The following SP100 variants were observed in gnomAD, a reference collection of about 807,000 sequenced individuals.
SP100 encodes SP100 nuclear body protein.
Under a neutral mutation model 130.0 loss-of-function variants are expected in SP100, and 84 were observed. The observed-to-expected ratio is 0.65, with a 90% CI of 0.54 to 0.77. The LOEUF (loss-of-function observed/expected upper bound fraction) is 0.77, where lower values mean the gene tolerates loss of function less well. Among genes scored for constraint, SP100 ranks in the 30% least tolerant of loss-of-function variants. The pLI is 0.00. For synonymous variants in SP100, 331 were observed against 351.7 expected, an observed-to-expected ratio of 0.94 and a Z score of 0.66; for missense variants, 978 against 1,052.2, an observed-to-expected ratio of 0.93 and a Z score of 0.97.
intron 15 of SP100, 77 bp from the exon 16 acceptor site, chr2:230,473,247 G>C (rs1027492551): frequency 1.1e-5 from 10 of 939,768 alleles, no homozygotes; most frequent in Admixed American, 3.6e-5. Context: ...GGAGTGGGCA[G>C]TCACTAATGT....
At chr2:230,417,151 G>A (rs1401024378) in intron 1 of SP100, among the ~76,000 whole-genome samples, 2 of 152,176 alleles carry the variant, frequency 1.3e-5, no homozygotes, top group East Asian at 3.8e-4. Flanking sequence ...GTCCTGTGAA[G>A]AGTCTTGGGC....
intron 24 of SP100, among the ~76,000 whole-genome samples, chr2:230,531,485 C>T (rs2150108645): frequency 6.6e-6 from 1 of 151,984 alleles, no homozygotes; most frequent in African/African-American, 2.4e-5. Flanking sequence ...CACATGTATA[C>T]CTATATAACA....
At chr2:230,446,170 A>C (rs533459044) in intron 4 of SP100, among the ~76,000 whole-genome samples, 3 of 152,122 alleles carry the variant, frequency 2.0e-5, no homozygotes, top group Non-Finnish European at 4.4e-5. Flanking sequence ...GTGCAGTGGC[A>C]TAATCTCAGC....
chr2:230,416,324 A>T lies in SP100; in HGVS notation c.28A>T (p.Thr10Ser), dbSNP rs767107390. MAGGGGDLSTRRLNECISPV... is the reference protein window; with the variant it reads MAGGGGDLSSRRLNECISPV... Reference sequence around the variant, plus strand: ...GGCAGGTGGGGGCGGCGACCTGAGCACCAGGTGAGTCTTTATCTCCCTTCC... The same window carrying T: ...GGCAGGTGGGGGCGGCGACCTGAGCTCCAGGTGAGTCTTTATCTCCCTTCC... Residue 10 changes from threonine to serine, a missense_variant, in exon 1 of 29, where the codon ACC becomes TCC. Coordinates refer to ENST00000340126, the MANE Select transcript of SP100 (RefSeq NM_001080391.2). 1.2e-6 allele frequency: 2 copies of T among 1,613,380 alleles called. No homozygotes were observed. The highest frequency in any genetic ancestry group is 2.2e-5 in the South Asian group (2 of 91,050).
intron 4 of SP100, among the ~76,000 whole-genome samples, chr2:230,445,619 T>C (rs1213545917): frequency 6.6e-6 from 1 of 152,150 alleles, no homozygotes; most frequent in African/African-American, 2.4e-5. Flanking sequence ...TAAAATAATT[T>C]CTATAGCAAA....
chr2:230,473,536 A>G (rs1575687523), intron 16 of SP100, 96 bp downstream of exon 16: 1 of 668,046 alleles, frequency 1.5e-6, no homozygotes, highest in Non-Finnish European at 2.6e-6. Flanking sequence ...GAAGCAAAGC[A>G]TGAAACAGCC....
chr2:230,464,802 G>A (rs1649866), intron 11 of SP100, among the ~76,000 whole-genome samples: 36,815 of 152,144 alleles, frequency 0.24, 5,108 homozygotes, highest in Middle Eastern at 0.33. Flanking sequence ...GTGTTTAAGA[G>A]TCATTTATGA....
chr2:230,438,648 T>C (rs79043378), intron 2 of SP100, among the ~76,000 whole-genome samples: 3,320 of 127,440 alleles, frequency 0.026, 87 homozygotes, highest in Admixed American at 0.074. Flanking sequence ...TGTATATATA[T>C]ACACACACAC....
At chr2:230,456,684 C>G (rs556314603) in intron 8 of SP100, among the ~76,000 whole-genome samples, 2 of 152,196 alleles carry the variant, frequency 1.3e-5, no homozygotes, top group South Asian at 4.1e-4. Context: ...ATGATCAATT[C>G]TGCTGTTGAT....
chr2:230,538,169 T>C (rs1692019926), intron 24 of SP100: 1 of 152,212 alleles, frequency 6.6e-6, no homozygotes, highest in African/African-American at 2.4e-5. Context: ...CAGGGGATTC[T>C]ACTGTAGAGC....
chr2:230,443,509 A>C (rs1345151153), intron 3 of SP100, among the ~76,000 whole-genome samples: 1 of 152,256 alleles, frequency 6.6e-6, no homozygotes, highest in African/African-American at 2.4e-5. Flanking sequence ...TCCAGTTAAC[A>C]TCAATTTAAA....
chr2:230,528,790 C>A (rs996739853), intron 24 of SP100, among the ~76,000 whole-genome samples: 3 of 152,230 alleles, frequency 2.0e-5, no homozygotes, highest in Non-Finnish European at 4.4e-5. Context: ...TCAGAGAATA[C>A]TATAAATGCC....
chr2:230,423,698 G>A (rs1451710313), intron 2 of SP100, among the ~76,000 whole-genome samples: 5 of 152,248 alleles, frequency 3.3e-5, no homozygotes, highest in East Asian at 1.9e-4. Flanking sequence ...CCTTTATAAC[G>A]TATAGTGTTT....
At chr2:230,473,153 T>C (rs949416198) in intron 15 of SP100, 171 bp from the exon 16 acceptor site, 4 of 512,666 alleles carry the variant, frequency 7.8e-6, no homozygotes, top group Non-Finnish European at 1.1e-5. Context: ...GGGTTATTTA[T>C]GAACAGAAGG....
intron 24 of SP100, among the ~76,000 whole-genome samples, chr2:230,530,300 G>T (rs1691642084): frequency 1.3e-5 from 2 of 152,124 alleles, no homozygotes; most frequent in South Asian, 4.1e-4. Flanking sequence ...TCTGATCTTT[G>T]ACAAACCTGA....
intron 17 of SP100, among the ~76,000 whole-genome samples, chr2:230,488,597 T>C (rs34617471): frequency 0.24 from 37,155 of 152,044 alleles, 6,375 homozygotes; most frequent in African/African-American, 0.49. Context: ...GCATTTTTAG[T>C]AGAGATGGGG....
chr2:230,473,586 C>A, intron 16 of SP100, 146 bp downstream of exon 16: 1 of 539,054 alleles, frequency 1.9e-6, no homozygotes, highest in Non-Finnish European at 3.4e-6. Flanking sequence ...AGGCCCCAAG[C>A]TTCAGAATTT....
intron 22 of SP100, chr2:230,506,686 T>C (rs1023200814): frequency 1.5e-5 from 6 of 403,136 alleles, no homozygotes; most frequent in Non-Finnish European, 2.3e-5. Flanking sequence ...AATTGTGGCC[T>C]TGACTCTGCC....
chr2:230,525,229 A>G (rs1005113219), intron 24 of SP100, among the ~76,000 whole-genome samples: 2 of 152,214 alleles, frequency 1.3e-5, no homozygotes, highest in Non-Finnish European at 2.9e-5. Context: ...TGGTCTGTGT[A>G]AGCCATAGGT....
Sources: allele counts gnomAD v4.1 joint callset (sites outside exome capture counted in the v4.1 genomes callset), GRCh38; gene constraint gnomAD v4.1.1; transcripts MANE v1.5; gene names NCBI Gene and HGNC (gene_info 2026-07-23, HGNC 2026-07-21).